POGZ: variants seen among roughly 807,000 people sequenced by gnomAD.
POGZ encodes the protein pogo transposable element derived with ZNF domain.
Under a neutral mutation model 134.6 loss-of-function variants are expected in POGZ, and 17 were observed. The ratio of observed to expected loss-of-function variants is 0.13; its 90% CI spans 0.09 to 0.19. POGZ has a LOEUF of 0.19. Among genes scored for constraint, POGZ ranks in the 10% least tolerant of loss-of-function variants. The pLI is 1.00. For missense variants in POGZ, 1,306 were observed against 1,769.7 expected, an observed-to-expected ratio of 0.74 and a Z score of 4.70; for synonymous variants, 693 against 657.1, an observed-to-expected ratio of 1.05 and a Z score of -0.84.
In POGZ at chr1:151,421,199, G is replaced by A. The variant is rs911152583; in HGVS notation, c.1678+2198C>T. 2.0e-5 allele frequency among the ~76,000 whole-genome samples: 3 copies of A among 152,056 alleles called. 1 individual carries two copies. The highest frequency in any genetic ancestry group is 7.2e-5 in the African/African-American group (3 of 41,422). ...TGAGACTAAAATTGAGGATAAGGGA[G>A]CGCTACTGTATTTAAAGTGAAAAAA... On this transcript the variant is annotated intron_variant, in intron 10 of 18. Transcript: ENST00000271715.
At chr1:151,458,451 G>A (rs1159199318) in intron 1 of POGZ, among the ~76,000 whole-genome samples, 1 of 152,066 alleles carries the variant, frequency 6.6e-6, no homozygotes, top group South Asian at 2.1e-4. Flanking sequence ...GGCTTAGGAT[G>A]TACTATTAGA....
chr1:151,438,280 T>C (rs934263678), intron 3 of POGZ, among the ~76,000 whole-genome samples: 13 of 152,112 alleles, frequency 8.5e-5, no homozygotes, highest in African/African-American at 3.1e-4. Flanking sequence ...GTATTTTTTA[T>C]ATAGATATAT....
At chr1:151,433,734 G>A (rs1248514607) in intron 3 of POGZ, among the ~76,000 whole-genome samples, 1 of 151,970 alleles carries the variant, frequency 6.6e-6, no homozygotes, top group African/African-American at 2.4e-5. Flanking sequence ...GTCATACTAG[G>A]TAAATTATAC....
intron 8 of POGZ, 103 bp downstream of exon 8, chr1:151,424,851 TA>T: frequency 1.5e-6 from 1 of 658,228 alleles, no homozygotes; most frequent in Non-Finnish European, 2.8e-6. Context: ...AGTAACCCTT[TA>T]AAAAGCTTCA....
chr1:151,417,687 G>GCCCC (rs1243959202), intron 10 of POGZ, among the ~76,000 whole-genome samples: 1 of 85,558 alleles, frequency 1.2e-5, no homozygotes, highest in African/African-American at 4.8e-5. Flanking sequence ...AGGTACTGTG[G>GCCCC]CCACACACAC....
intron 1 of POGZ, among the ~76,000 whole-genome samples, chr1:151,447,833 A>G (rs776310885): frequency 1.3e-5 from 2 of 151,840 alleles, no homozygotes; most frequent in Non-Finnish European, 2.9e-5. Context: ...CAGATACTCA[A>G]TGTGCCCTAT....
intron 1 of POGZ, among the ~76,000 whole-genome samples, chr1:151,449,720 C>T (rs1326024911): frequency 6.6e-6 from 1 of 152,024 alleles, no homozygotes; most frequent in Non-Finnish European, 1.5e-5. Flanking sequence ...CACGGTGAAA[C>T]CCCGTCTCTA....
chr1:151,412,749 C>T (rs895408132), intron 10 of POGZ, among the ~76,000 whole-genome samples: 5 of 152,110 alleles, frequency 3.3e-5, no homozygotes, highest in Non-Finnish European at 4.4e-5. Flanking sequence ...GGCACTATCT[C>T]GGATTCCAAA....
intron 10 of POGZ, among the ~76,000 whole-genome samples, chr1:151,414,498 G>GT (rs1655274718): frequency 6.6e-6 from 1 of 152,214 alleles, no homozygotes; most frequent in Admixed American, 6.5e-5. Context: ...ATTTACATGT[G>GT]TTGGCTGGGC....
intron 1 of POGZ, among the ~76,000 whole-genome samples, chr1:151,458,792 G>A (rs1173641229): frequency 6.9e-6 from 1 of 145,572 alleles, no homozygotes; most frequent in Non-Finnish European, 1.5e-5. Flanking sequence ...GGCTGTGTGC[G>A]GGGCCGTGGG....
At position 151,440,959 on chromosome 1, in the gene POGZ, C is replaced by T; in HGVS notation, c.252G>A (p.Lys84=). Residue 84 remains lysine (K), a synonymous_variant, in exon 3 of 19, where the codon AAG becomes AAA. Coordinates refer to ENST00000271715, the MANE Select transcript of POGZ (RefSeq NM_015100.4). ...SGAQNSDSTK[K]TLVTLIANNN... is the part of the protein sequence containing the mutation. ...TGTTGGCAATTAGTGTGACAAGAGT[C>T]TTCTTTGTACTGTCGCTGTTCTGTG... is the stretch of plus-strand genomic sequence containing the variant. The T allele has an allele frequency of 6.2e-7, 1 of 1,613,412 alleles. No individual in the cohort carries two copies. The highest frequency in any genetic ancestry group is 1.3e-5 in the African/African-American group (1 of 75,002).
chr1:151,429,725 C>G lies in POGZ; in HGVS notation c.460-14G>C. ...TACAGGAAATCCCTGTATTAAAAAG[C>G]AAAATGATCTTTAACATGGAGACCA... is the stretch of plus-strand genomic sequence containing the variant. On this transcript the variant is annotated splice_polypyrimidine_tract_variant and intron_variant, in intron 4 of 18. Coordinates refer to ENST00000271715, the MANE Select transcript of POGZ (RefSeq NM_015100.4). The G allele has an allele frequency of 6.7e-7, 1 of 1,494,776 alleles. No homozygotes were observed. Among genetic ancestry groups the G allele is most frequent in the Non-Finnish European group, 9.3e-7 (1 of 1,072,590 alleles). The allele number at this position is 1,494,776 out of a possible 1,614,324, so 92.6% of individuals were successfully genotyped here.
intron 15 of POGZ, 146 bp downstream of exon 15, chr1:151,407,954 G>A: frequency 3.4e-6 from 2 of 590,996 alleles, no homozygotes; most frequent in Non-Finnish European, 5.7e-6. Flanking sequence ...AGAGGTTGCA[G>A]TGAGCCAAGA....
Position 151,423,934 on chromosome 1 carries a change from CTCT to C in POGZ, c.1523+12_1523+14del. On this transcript the variant is annotated intron_variant, in intron 9 of 18. Coordinates refer to ENST00000271715, the MANE Select transcript of POGZ (RefSeq NM_015100.4). ...CTCTTGTTCAAGGTAACTTCCAAGGCTCTTAAACACTTACCGAATATTGTTTTT... is the reference window on the plus strand; with the variant it reads ...CTCTTGTTCAAGGTAACTTCCAAGGCTAAACACTTACCGAATATTGTTTTT... 1 of 1,590,524 alleles carries C rather than the reference CTCT, an allele frequency of 6.3e-7. No homozygotes were observed. Among genetic ancestry groups the C allele is most frequent in the Non-Finnish European group, 8.6e-7 (1 of 1,161,226 alleles).
chr1:151,413,109 T>C (rs1654965827), intron 10 of POGZ, among the ~76,000 whole-genome samples: 1 of 148,570 alleles, frequency 6.7e-6, no homozygotes, highest in Admixed American at 6.7e-5. Flanking sequence ...TGGGCTTTTT[T>C]TTTTTTTTTT....
intron 1 of POGZ, among the ~76,000 whole-genome samples, chr1:151,454,153 T>C (rs188552161): frequency 7.2e-4 from 109 of 152,308 alleles, no homozygotes; most frequent in African/African-American, 2.5e-3. Flanking sequence ...TGCCAGTACA[T>C]ACCTGCCCAA....
intron 1 of POGZ, among the ~76,000 whole-genome samples, chr1:151,454,785 T>C (rs959378259): frequency 6.6e-6 from 1 of 152,236 alleles, no homozygotes; most frequent in Admixed American, 6.5e-5. Flanking sequence ...AGTGTCTCTT[T>C]TCTGCTCTCC....
In POGZ at chr1:151,403,479, T is replaced by C; in HGVS notation, c.*1323A>G. The stretch of plus-strand genomic sequence containing the variant: ...GGGAACATTGTGGAAAGCCTCAGGA[T>C]AAACAGAAGACTTGGTTTTTTGCTC... On this transcript the variant is annotated 3_prime_UTR_variant, in exon 19 of 19. Transcript: ENST00000271715. The C allele has an allele frequency of 2.0e-6, 2 of 985,896 alleles. No individual in the cohort carries two copies. Among genetic ancestry groups the C allele is most frequent in the East Asian group, 2.3e-4 (2 of 8,816 alleles). The allele number at this position is 985,896 out of a possible 1,614,324, so 61.1% of individuals were successfully genotyped here.
At chr1:151,443,784 T>C (rs1660897746) in intron 1 of POGZ, among the ~76,000 whole-genome samples, 1 of 152,162 alleles carries the variant, frequency 6.6e-6, no homozygotes, top group Non-Finnish European at 1.5e-5. Context: ...AAAGAGTTAA[T>C]GCTATTCTGC....
Sources: gnomAD v4.1 joint callset for allele counts (sites outside exome capture counted in the v4.1 genomes callset) on GRCh38, gnomAD v4.1.1 for gene constraint, MANE v1.5 for transcripts, NCBI Gene and HGNC (gene_info 2026-07-23, HGNC 2026-07-21) for gene names.